PPP1R21: variants seen among roughly 807,000 people sequenced by gnomAD.
The protein encoded by PPP1R21 is KLRAQ motif containing 1.
PPP1R21 carries 85 observed loss-of-function variants against 112.8 expected under a neutral mutation model. The ratio of observed to expected loss-of-function variants is 0.75; its 90% CI spans 0.63 to 0.90. PPP1R21 has a LOEUF of 0.90. Ranked by LOEUF, PPP1R21 falls within the 40% of genes least tolerant of loss-of-function variation. The probability of loss-of-function intolerance (pLI) is 0.00; values close to 1 mark genes in which losing one functional copy is unlikely to be tolerated. For missense variants in PPP1R21, 1,199 were observed against 901.5 expected (o/e 1.33, Z -4.23); for synonymous variants, 381 against 322.3 (o/e 1.18, Z -1.95).
chr2:48,491,550 A>G (rs78398897), intron 15 of PPP1R21, among the ~76,000 whole-genome samples: 29,030 of 63,034 alleles, frequency 0.46, 3,191 homozygotes, highest in Non-Finnish European at 0.54. Flanking sequence ...AAAAAAAAAG[A>G]AAAAAAAAAG....
chr2:48,441,661 C>T (rs1161068939), intron 1 of PPP1R21, among the ~76,000 whole-genome samples: 3 of 152,198 alleles, frequency 2.0e-5, no homozygotes, highest in Non-Finnish European at 2.9e-5. Context: ...ACACATTAAG[C>T]AACATGGGGA....
intron 16 of PPP1R21, among the ~76,000 whole-genome samples, chr2:48,498,167 A>G (rs921579532): frequency 6.6e-6 from 1 of 151,968 alleles, no homozygotes; most frequent in Non-Finnish European, 1.5e-5. Flanking sequence ...TTGGTTTGCA[A>G]AAATTCCTTG....
At chr2:48,510,468 ATCTAAACTG>A (rs1410390268) in intron 20 of PPP1R21, among the ~76,000 whole-genome samples, 1 of 152,178 alleles carries the variant, frequency 6.6e-6, no homozygotes, top group Non-Finnish European at 1.5e-5. Flanking sequence ...CATAAAACGG[ATCTAAACTG>A]AAAGGTGGGG....
Position 48,495,773 on chromosome 2 carries a change from T to TTC in PPP1R21, c.1692+2_1692+3insTC. 6.4e-7 allele frequency: 1 copy of TTC among 1,557,452 alleles called. No homozygotes were observed. Among genetic ancestry groups the TTC allele is most frequent in the African/African-American group, 1.4e-5 (1 of 73,920 alleles). On this transcript the variant is annotated splice_region_variant and intron_variant, in intron 16 of 21. Transcript: ENST00000294952. Reference sequence around the variant, plus strand: ...AGTCGAGAAGGCCTTGCACAGCAAGTATGGCACTGGGAAAATTATGGAAAT... The same window carrying TTC: ...AGTCGAGAAGGCCTTGCACAGCAAGTTCATGGCACTGGGAAAATTATGGAAAT...
chr2:48,451,728 T>C (rs552953810), intron 2 of PPP1R21, among the ~76,000 whole-genome samples: 1 of 152,262 alleles, frequency 6.6e-6, no homozygotes, highest in African/African-American at 2.4e-5. Context: ...TTGGCCAAGT[T>C]TCAGTTAAAT....
intron 13 of PPP1R21, among the ~76,000 whole-genome samples, chr2:48,483,195 C>CTTTTTTTTTTTT (rs755036470): frequency 1.4e-4 from 11 of 80,908 alleles, no homozygotes; most frequent in Non-Finnish European, 2.3e-4. Context: ...CTTTTTTTTC[C>CTTTTTTTTTTTT]TTTTTTTTTT....
intron 18 of PPP1R21, among the ~76,000 whole-genome samples, chr2:48,506,325 T>G (rs578053405): frequency 6.6e-6 from 1 of 152,106 alleles, no homozygotes. Context: ...AACTCCTGAG[T>G]TCAGGTGATC....
At chr2:48,449,098 A>C (rs143804774) in intron 1 of PPP1R21, among the ~76,000 whole-genome samples, 1 of 152,002 alleles carries the variant, frequency 6.6e-6, no homozygotes, top group Admixed American at 6.5e-5. Context: ...TTTAAAGTGT[A>C]AGTTCTTTGA....
Position 48,511,441 on chromosome 2 carries a change from G to T in PPP1R21, c.2286G>T (p.Glu762Asp). 6.2e-7 allele frequency: 1 copy of T among 1,614,072 alleles called. No homozygotes were observed. The highest frequency in any genetic ancestry group is 8.5e-7 in the Non-Finnish European group (1 of 1,179,998). ...MNETLSKQREEIDTLKMSSKG... is the reference protein window; with the variant it reads ...MNETLSKQREDIDTLKMSSKG... Reference sequence around the variant, plus strand: ...AGACATTATCTAAACAGAGAGAAGAGATTGACACACTAAAGATGTCCAGTA... The same window carrying T: ...AGACATTATCTAAACAGAGAGAAGATATTGACACACTAAAGATGTCCAGTA... Residue 762 changes from glutamate to aspartate, a missense_variant, in exon 21 of 22, where the codon GAG becomes GAT. Glu to Asp is a conservative substitution (Grantham distance 45). Coordinates refer to ENST00000294952, the MANE Select transcript of PPP1R21 (RefSeq NM_001135629.3).
chr2:48,484,059 A>G (rs1669160305), intron 13 of PPP1R21, among the ~76,000 whole-genome samples: 1 of 152,148 alleles, frequency 6.6e-6, no homozygotes, highest in Non-Finnish European at 1.5e-5. Context: ...TGACGCCATA[A>G]CAAAAATCAT....
chr2:48,446,285 C>G (rs570484167), intron 1 of PPP1R21, among the ~76,000 whole-genome samples: 28 of 152,256 alleles, frequency 1.8e-4, no homozygotes, highest in Admixed American at 1.2e-3. Flanking sequence ...CACATATTGT[C>G]AGAGTGGCAT....
chr2:48,484,323 A>C (rs1383263277), intron 13 of PPP1R21, among the ~76,000 whole-genome samples: 1 of 152,104 alleles, frequency 6.6e-6, no homozygotes. Flanking sequence ...CCTTTCAAGG[A>C]GCATATTCTA....
At chr2:48,491,420 G>C (rs1669558863) in intron 15 of PPP1R21, among the ~76,000 whole-genome samples, 1 of 152,050 alleles carries the variant, frequency 6.6e-6, no homozygotes, top group African/African-American at 2.4e-5. Context: ...TAGAGCGCCT[G>C]GGGTGAGGTA....
chr2:48,486,435 TC>T (rs1211064495), intron 13 of PPP1R21, among the ~76,000 whole-genome samples, 195 bp from the exon 14 acceptor site: 1 of 152,186 alleles, frequency 6.6e-6, no homozygotes, highest in Non-Finnish European at 1.5e-5. Context: ...TGTTCAGAGA[TC>T]CTTACTTCTC....
At chr2:48,444,854 T>A (rs1342052888) in intron 1 of PPP1R21, among the ~76,000 whole-genome samples, 4 of 151,908 alleles carry the variant, frequency 2.6e-5, no homozygotes, top group Non-Finnish European at 5.9e-5. Flanking sequence ...ATAATCTTTT[T>A]AAAGTTCTTT....
At chr2:48,456,477 T>C (rs1667730242) in intron 3 of PPP1R21, among the ~76,000 whole-genome samples, 1 of 152,180 alleles carries the variant, frequency 6.6e-6, no homozygotes, top group African/African-American at 2.4e-5. Context: ...AATAAATCTG[T>C]GACTTTCGGC....
intron 9 of PPP1R21, among the ~76,000 whole-genome samples, chr2:48,469,932 A>G (rs1668429369): frequency 6.6e-6 from 1 of 152,128 alleles, no homozygotes. Flanking sequence ...TATATTATAC[A>G]GCTCTAAAGA....
chr2:48,488,769 T>C (rs549329591), intron 14 of PPP1R21, among the ~76,000 whole-genome samples: 4 of 152,374 alleles, frequency 2.6e-5, no homozygotes, highest in African/African-American at 4.8e-5. Context: ...GGTATCAGCT[T>C]AATATTAAAT....
chr2:48,477,519 C>T (rs1301442744), intron 12 of PPP1R21, among the ~76,000 whole-genome samples: 1 of 152,146 alleles, frequency 6.6e-6, no homozygotes, highest in African/African-American at 2.4e-5. Flanking sequence ...TCTGGGTACC[C>T]TTGTGGAGAA....
Sources: gnomAD v4.1 joint callset for allele counts (sites outside exome capture counted in the v4.1 genomes callset) on GRCh38, gnomAD v4.1.1 for gene constraint, MANE v1.5 for transcripts, NCBI Gene and HGNC (gene_info 2026-07-23, HGNC 2026-07-21) for gene names.